The following ABCC4 variants were observed in gnomAD, a reference collection of about 807,000 sequenced individuals.
The protein encoded by ABCC4 is ATP-binding cassette sub-family C member 4.
Under a neutral mutation model 168.5 loss-of-function variants are expected in ABCC4, and 102 were observed. That is an observed-to-expected ratio of 0.61 (90% CI 0.52 to 0.71). The LOEUF (loss-of-function observed/expected upper bound fraction) is 0.71, where lower values mean the gene tolerates loss of function less well. ABCC4 is among the 30% of genes least tolerant of loss of function. ABCC4 has a pLI of 0.00. For synonymous variants in ABCC4, 617 were observed against 590.7 expected (o/e 1.04, Z -0.65); for missense variants, 1,402 against 1,605.8 (o/e 0.87, Z 2.17).
intron 4 of ABCC4, among the ~76,000 whole-genome samples, chr13:95,218,668 G>A (rs9524840): frequency 0.74 from 112,664 of 151,446 alleles, 42,754 homozygotes; most frequent in Non-Finnish European, 0.84. Context: ...ACTGGGCAAC[G>A]TAGTGAGATC....
intron 1 of ABCC4, among the ~76,000 whole-genome samples, chr13:95,286,628 C>A (rs115198431): frequency 0.017 from 2,537 of 152,066 alleles, 65 homozygotes; most frequent in African/African-American, 0.057. Context: ...CTTCCATATT[C>A]ACTTTCCCTG....
intron 29 of ABCC4, among the ~76,000 whole-genome samples, chr13:95,042,635 T>G (rs1248477745): frequency 6.6e-6 from 1 of 152,120 alleles, no homozygotes; most frequent in African/African-American, 2.4e-5. Context: ...TATAAAGCAA[T>G]AAACTAATGG....
intron 4 of ABCC4, among the ~76,000 whole-genome samples, chr13:95,228,764 G>GAAA (rs538224986): frequency 8.3e-6 from 1 of 120,368 alleles, no homozygotes. Context: ...ACTCTGTCTT[G>GAAA]AAAAAAAAAA....
chr13:95,096,189 A>T, intron 20 of ABCC4: 1 of 493,894 alleles, frequency 2.0e-6, no homozygotes, highest in Non-Finnish European at 3.6e-6. Flanking sequence ...TCTATGAAAG[A>T]AAAAAAAAAA....
intron 27 of ABCC4, 134 bp downstream of exon 27, chr13:95,052,961 C>T (rs2032901289): frequency 1.4e-6 from 1 of 712,354 alleles, no homozygotes; most frequent in African/African-American, 1.8e-5. Flanking sequence ...ATATCCACAT[C>T]CTCAATGATC....
At position 95,142,320 on chromosome 13, in the gene ABCC4, A is replaced by C. The variant is rs139721107; in HGVS notation, c.2455+18869T>G. On this transcript the variant is annotated intron_variant, in intron 19 of 30. Transcript: ENST00000645237. ...TGGAGACTATTATTATAAGTGAAGT[A>C]ACTCAAGAATGGAAAACCAAACATC... 2.1e-3 allele frequency among the ~76,000 whole-genome samples: 320 copies of C among 152,364 alleles called. 3 individuals are homozygous for C. Among genetic ancestry groups the C allele is most frequent in the African/African-American group, 7.4e-3 (308 of 41,586 alleles).
intron 8 of ABCC4, among the ~76,000 whole-genome samples, 198 bp from the exon 9 acceptor site, chr13:95,195,135 T>C (rs2038376317): frequency 6.6e-6 from 1 of 152,300 alleles, no homozygotes; most frequent in Middle Eastern, 3.4e-3. Context: ...TTCATGGCCA[T>C]GAACTATCTT....
chr13:95,181,875 C>T (rs2037906255), intron 11 of ABCC4, among the ~76,000 whole-genome samples: 1 of 152,170 alleles, frequency 6.6e-6, no homozygotes, highest in South Asian at 2.1e-4. Context: ...CAACTCAGAA[C>T]TCGAAGTCTC....
chr13:95,157,428 G>A (rs1377485587), intron 19 of ABCC4, among the ~76,000 whole-genome samples: 3 of 151,766 alleles, frequency 2.0e-5, no homozygotes, highest in Admixed American at 6.6e-5. Context: ...CCCAAGAGGT[G>A]GACATTTGCA....
At chr13:95,287,549 T>C (rs1474098114) in intron 1 of ABCC4, among the ~76,000 whole-genome samples, 2 of 151,836 alleles carry the variant, frequency 1.3e-5, no homozygotes, top group Non-Finnish European at 2.9e-5. Context: ...ATCACGCCAT[T>C]GCACTCCAGC....
At chr13:95,269,608 C>T (rs1215144736) in intron 1 of ABCC4, among the ~76,000 whole-genome samples, 5 of 152,012 alleles carry the variant, frequency 3.3e-5, no homozygotes, top group African/African-American at 9.7e-5. Context: ...GATCTGGTTG[C>T]TACTTACCAG....
At chr13:95,196,857 A>T (rs1463407192) in intron 8 of ABCC4, among the ~76,000 whole-genome samples, 2 of 152,174 alleles carry the variant, frequency 1.3e-5, no homozygotes, top group Admixed American at 1.3e-4. Context: ...AGCATCCCCC[A>T]TCACAACCAA....
chr13:95,061,750 A>C (rs1471732402), intron 26 of ABCC4, among the ~76,000 whole-genome samples: 2 of 152,038 alleles, frequency 1.3e-5, no homozygotes, highest in Non-Finnish European at 2.9e-5. Context: ...GAGGTGTTAA[A>C]GTGAAGGACA....
intron 19 of ABCC4, among the ~76,000 whole-genome samples, chr13:95,149,563 G>A (rs896508301): frequency 4.6e-5 from 7 of 151,976 alleles, no homozygotes; most frequent in Non-Finnish European, 1.0e-4. Context: ...TAAAAATAAT[G>A]ACTACTTTTA....
intron 29 of ABCC4, 40 bp downstream of exon 29, chr13:95,043,642 T>C: frequency 1.3e-6 from 2 of 1,502,774 alleles, no homozygotes; most frequent in Middle Eastern, 3.4e-4. Flanking sequence ...AAAGTGAACA[T>C]AATTGGGAGC....
intron 20 of ABCC4, among the ~76,000 whole-genome samples, chr13:95,086,019 A>G (rs1226115488): frequency 6.6e-6 from 1 of 151,152 alleles, no homozygotes; most frequent in Non-Finnish European, 1.5e-5. Flanking sequence ...TTTTTAAAGC[A>G]TTTAATACCG....
intron 1 of ABCC4, among the ~76,000 whole-genome samples, chr13:95,271,755 C>A (rs998007299): frequency 1.3e-5 from 2 of 152,074 alleles, no homozygotes; most frequent in African/African-American, 4.8e-5. Flanking sequence ...AAACAGAGCA[C>A]GCAGCGTGAC....
At chr13:95,219,073 T>G (rs981674400) in intron 4 of ABCC4, among the ~76,000 whole-genome samples, 1 of 151,942 alleles carries the variant, frequency 6.6e-6, no homozygotes, top group African/African-American at 2.4e-5. Flanking sequence ...CAATGAGTGG[T>G]GGGGCAGTCA....
chr13:95,218,777 G>A (rs1275710486), intron 4 of ABCC4, among the ~76,000 whole-genome samples: 1 of 151,582 alleles, frequency 6.6e-6, no homozygotes, highest in East Asian at 1.9e-4. Flanking sequence ...CTTGAGCCCA[G>A]GAGCTCAAGG....
Sources: gnomAD v4.1 joint callset for allele counts (sites outside exome capture counted in the v4.1 genomes callset) on GRCh38, gnomAD v4.1.1 for gene constraint, MANE v1.5 for transcripts, NCBI Gene and HGNC (gene_info 2026-07-23, HGNC 2026-07-21) for gene names.